The following EPCIP variants were observed in gnomAD, a reference collection of about 807,000 sequenced individuals.
EPCIP encodes exosomal polycystin 1 interacting protein, also known as exosomal polycystin-1-interacting protein.
chr21:32,793,513 G>A, the EPCIP span: 7 of 569,690 alleles, frequency 1.2e-5, no homozygotes, highest in South Asian at 2.1e-5. Flanking sequence ...CCCAAGACAT[G>A]TCCCTGGACG....
At chr21:32,797,328 A>G in the EPCIP span, 1 of 207,202 alleles carries the variant, frequency 4.8e-6, no homozygotes, top group Non-Finnish European at 9.9e-6. Flanking sequence ...AGCTCACTGC[A>G]AGCTCTGCCT....
the EPCIP span, among the ~76,000 whole-genome samples, chr21:32,803,116 C>T: frequency 1.3e-5 from 2 of 152,156 alleles, no homozygotes; most frequent in Non-Finnish European, 2.9e-5. Flanking sequence ...AGTAGCTCTC[C>T]GATCCCCAGT....
the EPCIP span, chr21:32,790,726 C>T: frequency 6.6e-6 from 1 of 152,252 alleles, no homozygotes; most frequent in African/African-American, 2.4e-5. Flanking sequence ...ATGGCTACTG[C>T]ATAGGCAGAG....
the EPCIP span, chr21:32,807,857 C>T: frequency 6.6e-6 from 1 of 152,304 alleles, no homozygotes; most frequent in Admixed American, 6.5e-5. Context: ...GGAGGCACCT[C>T]CAACCTCCTG....
At chr21:32,795,069 AT>A in the EPCIP span, among the ~76,000 whole-genome samples, 10 of 152,212 alleles carry the variant, frequency 6.6e-5, no homozygotes, top group Non-Finnish European at 1.0e-4. Context: ...CATGCCTCCC[AT>A]CCCCACCATA....
chr21:32,806,116 G>C, the EPCIP span, among the ~76,000 whole-genome samples: 24 of 152,196 alleles, frequency 1.6e-4, no homozygotes, highest in African/African-American at 4.3e-4. Flanking sequence ...GCAAGCAGAG[G>C]CTGCAAGAAG....
chr21:32,808,179 C>A, the EPCIP span, among the ~76,000 whole-genome samples: 2 of 152,094 alleles, frequency 1.3e-5, no homozygotes, highest in Non-Finnish European at 2.9e-5. Flanking sequence ...TTTCAGAGTC[C>A]AATCTTGCAA....
At chr21:32,800,544 G>A in the EPCIP span, among the ~76,000 whole-genome samples, 2 of 152,228 alleles carry the variant, frequency 1.3e-5, no homozygotes, top group African/African-American at 2.4e-5. Flanking sequence ...TAGGCCGGGT[G>A]TGGTGGCTCA....
At chr21:32,797,351 C>T in the EPCIP span, 173 of 206,936 alleles carry the variant, frequency 8.4e-4, 5 homozygotes, top group East Asian at 0.024. Flanking sequence ...CAGGTTCCAA[C>T]GATTGTCTTG....
the EPCIP span, among the ~76,000 whole-genome samples, chr21:32,796,002 C>CCTTCCCTCCTTCCT: frequency 4.0e-5 from 1 of 24,920 alleles, no homozygotes; most frequent in Non-Finnish European, 1.1e-4. Flanking sequence ...CCCTCCTTCC[C>CCTTCCCTCCTTCCT]TCTTTCCTTC....
the EPCIP span, chr21:32,794,341 C>A: frequency 1.2e-6 from 2 of 1,614,250 alleles, no homozygotes; most frequent in Admixed American, 3.3e-5. Flanking sequence ...TGCTGTTCTT[C>A]TGACCTTTGG....
At chr21:32,806,097 G>A in the EPCIP span, among the ~76,000 whole-genome samples, 5 of 152,072 alleles carry the variant, frequency 3.3e-5, no homozygotes, top group Non-Finnish European at 7.4e-5. Context: ...GGCTGAGTCC[G>A]GTCAGGTAGC....
chr21:32,802,935 A>G, the EPCIP span, among the ~76,000 whole-genome samples: 1 of 152,158 alleles, frequency 6.6e-6, no homozygotes, highest in Non-Finnish European at 1.5e-5. Flanking sequence ...GCATCCCAAC[A>G]CAGCTTGCCT....
the EPCIP span, among the ~76,000 whole-genome samples, chr21:32,809,275 C>CCCTCCCTCT: frequency 2.5e-4 from 15 of 59,106 alleles, 1 homozygote; most frequent in East Asian, 0.011. Flanking sequence ...TTCCCTCCCT[C>CCCTCCCTCT]CTTCCTTTCT....
the EPCIP span, among the ~76,000 whole-genome samples, chr21:32,813,428 A>G: frequency 6.6e-6 from 1 of 152,258 alleles, no homozygotes; most frequent in African/African-American, 2.4e-5. Context: ...AGCCACTCAT[A>G]CATGTACATT....
At chr21:32,812,742 T>A in the EPCIP span, among the ~76,000 whole-genome samples, 1 of 152,212 alleles carries the variant, frequency 6.6e-6, no homozygotes, top group Non-Finnish European at 1.5e-5. Context: ...TTATGCACAA[T>A]GTTTTTGAAA....
chr21:32,802,077 G>C, the EPCIP span, among the ~76,000 whole-genome samples: 1 of 152,168 alleles, frequency 6.6e-6, no homozygotes, highest in Non-Finnish European at 1.5e-5. Context: ...CAGGAAGACA[G>C]GGTTAGACAG....
the EPCIP span, among the ~76,000 whole-genome samples, chr21:32,795,878 A>C: frequency 6.6e-6 from 1 of 152,300 alleles, no homozygotes; most frequent in South Asian, 2.1e-4. Flanking sequence ...ACTTGAACAG[A>C]GGGTGAGACA....
the EPCIP span, among the ~76,000 whole-genome samples, chr21:32,795,978 TTCCTTCCC>T: frequency 2.9e-4 from 13 of 45,054 alleles, no homozygotes; most frequent in South Asian, 2.4e-3. Context: ...CCTTCTTTCC[TTCCTTCCC>T]TCCTTCCCTC....
Sources: allele counts gnomAD v4.1 joint callset (sites outside exome capture counted in the v4.1 genomes callset), GRCh38; gene constraint gnomAD v4.1.1; transcripts MANE v1.5; gene names NCBI Gene and HGNC (gene_info 2026-07-23, HGNC 2026-07-21).